The following ERI1 variants were observed in gnomAD, a reference collection of about 807,000 sequenced individuals.
ERI1 encodes 3'-5' exoribonuclease 1.
Under a neutral mutation model 39.7 loss-of-function variants are expected in ERI1, and 39 were observed. The observed-to-expected ratio is 0.98, with a 90% confidence interval of 0.76 to 1.28. The LOEUF (loss-of-function observed/expected upper bound fraction) is 1.28. ERI1 is among the 50% of genes most tolerant of loss of function. ERI1 has a pLI of 0.00. For missense variants in ERI1, 581 were observed against 416.9 expected, an observed-to-expected ratio of 1.39 and a Z score of -3.43; for synonymous variants, 204 against 149.6, an observed-to-expected ratio of 1.36 and a Z score of -2.65.
intron 6 of ERI1, among the ~76,000 whole-genome samples, chr8:9,024,562 A>T (rs1044597203): frequency 2.6e-5 from 4 of 152,110 alleles, no homozygotes; most frequent in Non-Finnish European, 5.9e-5. Flanking sequence ...CTGAGATTAC[A>T]GGTGCCTCCC....
chr8:9,097,485 A>G (rs948471034), intron 3 of ERI1, among the ~76,000 whole-genome samples: 8 of 152,100 alleles, frequency 5.3e-5, no homozygotes, highest in Non-Finnish European at 7.4e-5. Context: ...CCTGGCCAAC[A>G]TGGTAAAAAC....
intron 6 of ERI1, among the ~76,000 whole-genome samples, chr8:9,021,761 AT>A (rs869027047): frequency 9.0e-6 from 1 of 110,652 alleles, no homozygotes; most frequent in African/African-American, 4.0e-5. Context: ...TGGCTATATT[AT>A]TTGTTTTTTT....
intron 3 of ERI1, among the ~76,000 whole-genome samples, 189 bp from the exon 4 acceptor site, chr8:9,016,133 G>A (rs921660751): frequency 6.6e-6 from 1 of 152,072 alleles, no homozygotes; most frequent in Non-Finnish European, 1.5e-5. Context: ...TTTAAATTAT[G>A]AATCAATTCA....
At chr8:9,052,816 T>C (rs939191726) in intron 3 of ERI1, among the ~76,000 whole-genome samples, 18 of 152,188 alleles carry the variant, frequency 1.2e-4, no homozygotes, top group Non-Finnish European at 1.5e-4. Context: ...TCCTTTCTGA[T>C]CATAACTAAG....
intron 6 of ERI1, among the ~76,000 whole-genome samples, chr8:9,024,936 A>G (rs908012526): frequency 1.6e-5 from 2 of 123,880 alleles, no homozygotes; most frequent in Non-Finnish European, 3.7e-5. Context: ...CTCTTCATGC[A>G]TGTTAAAAAA....
At chr8:9,099,586 C>T (rs73197740) in intron 3 of ERI1, among the ~76,000 whole-genome samples, 14,559 of 145,136 alleles carry the variant, frequency 0.1, 972 homozygotes, top group Non-Finnish European at 0.15. Context: ...TAGAGCGGGA[C>T]ACTCTCTCTC....
chr8:9,045,282 A>AAG (rs765281947), intron 3 of ERI1, among the ~76,000 whole-genome samples: 1 of 151,132 alleles, frequency 6.6e-6, no homozygotes, highest in East Asian at 1.9e-4. Flanking sequence ...TTCAGCCCTA[A>AAG]GCTGGCTTCT....
chr8:9,016,455 TAGGG>T, intron 4 of ERI1, 50 bp downstream of exon 4: 2 of 1,184,262 alleles, frequency 1.7e-6, no homozygotes, highest in Non-Finnish European at 2.4e-6. Flanking sequence ...TTCTTGAAAT[TAGGG>T]ATTTATTTTA....
At chr8:9,009,974 G>A (rs1816493356) in intron 2 of ERI1, among the ~76,000 whole-genome samples, 1 of 152,202 alleles carries the variant, frequency 6.6e-6, no homozygotes, top group Non-Finnish European at 1.5e-5. Context: ...AAGCAGAAGG[G>A]AGCCACTGAA....
At chr8:9,041,703 T>G (rs1360280543) in intron 3 of ERI1, among the ~76,000 whole-genome samples, 1 of 152,218 alleles carries the variant, frequency 6.6e-6, no homozygotes, top group Non-Finnish European at 1.5e-5. Flanking sequence ...GAGGCAAGTT[T>G]ATAGCAATAC....
At chr8:9,023,670 CT>C (rs1390108302) in intron 6 of ERI1, among the ~76,000 whole-genome samples, 1 of 146,008 alleles carries the variant, frequency 6.8e-6, no homozygotes, top group Non-Finnish European at 1.5e-5. Context: ...TGTTTTCCTT[CT>C]TTTTTTGTAC....
At chr8:9,094,396 C>G (rs1799806731) in intron 3 of ERI1, among the ~76,000 whole-genome samples, 1 of 152,212 alleles carries the variant, frequency 6.6e-6, no homozygotes, top group Non-Finnish European at 1.5e-5. Flanking sequence ...CGCAATCCCT[C>G]TCTCTGCAAT....
intron 1 of ERI1, among the ~76,000 whole-genome samples, 193 bp downstream of exon 1, chr8:9,003,364 A>G (rs938962662): frequency 1.3e-5 from 2 of 152,014 alleles, no homozygotes; most frequent in African/African-American, 4.8e-5. Flanking sequence ...GGGCCGAATC[A>G]CTCTCTGGGA....
chr8:9,061,042 C>T (rs571097504), intron 3 of ERI1, among the ~76,000 whole-genome samples: 38 of 152,244 alleles, frequency 2.5e-4, no homozygotes, highest in African/African-American at 5.1e-4. Flanking sequence ...TTTGCAAGAG[C>T]GAGGGCTTGA....
In ERI1 at chr8:9,027,136, GGTGTGTGTGTGTAT is replaced by G. The variant is rs1240015636; in HGVS notation, c.808-2643_808-2630del. Among the ~76,000 whole-genome samples, 1,322 of 137,596 alleles carry G rather than the reference GGTGTGTGTGTGTAT, an allele frequency of 9.6e-3. 22 individuals carry two copies. The highest frequency in any genetic ancestry group is 0.035 in the African/African-American group (1,264 of 36,384). The allele number at this position is 137,596 out of a possible 152,430, so 90.3% of individuals were successfully genotyped here. A position where few individuals can be genotyped will look rare whatever the true frequency, so the allele number is the denominator to read the frequency against. ...TCTCTGTCAATGCTTGTTATTTTCT[GGTGTGTGTGTGTAT>G]GTGTGTGTGTGTGTGTGTGTGTGTG... On this transcript the variant is annotated intron_variant, in intron 6 of 6. Transcript: ENST00000250263.
At chr8:9,027,813 C>G (rs1013577229) in intron 6 of ERI1, among the ~76,000 whole-genome samples, 2 of 152,132 alleles carry the variant, frequency 1.3e-5, no homozygotes, top group Non-Finnish European at 2.9e-5. Flanking sequence ...GTTTGTATGT[C>G]TATACTAATA....
At chr8:9,014,131 CTGAT>C (rs1210773740) in intron 3 of ERI1, among the ~76,000 whole-genome samples, 2 of 152,196 alleles carry the variant, frequency 1.3e-5, no homozygotes, top group African/African-American at 2.4e-5. Context: ...ATTGTTTCCT[CTGAT>C]TGTTTCCTGT....
At chr8:9,046,345 A>G (rs1391116422) in intron 3 of ERI1, among the ~76,000 whole-genome samples, 1 of 152,240 alleles carries the variant, frequency 6.6e-6, no homozygotes, top group African/African-American at 2.4e-5. Context: ...AGAGAGAGAC[A>G]TGAGCAGCAC....
At chr8:9,085,721 G>A (rs772081476) in intron 3 of ERI1, among the ~76,000 whole-genome samples, 1 of 152,022 alleles carries the variant, frequency 6.6e-6, no homozygotes, top group Non-Finnish European at 1.5e-5. Context: ...TGATGAGACA[G>A]TAAAAGTTAG....
Sources: gnomAD v4.1 joint callset for allele counts (sites outside exome capture counted in the v4.1 genomes callset) on GRCh38, gnomAD v4.1.1 for gene constraint, MANE v1.5 for transcripts, NCBI Gene and HGNC (gene_info 2026-07-23, HGNC 2026-07-21) for gene names.